PCDH9: variants seen among roughly 807,000 people sequenced by gnomAD.
The protein encoded by PCDH9 is protocadherin-9.
A neutral mutation model predicts 70.6 loss-of-function variants in PCDH9; 24 were observed. The observed-to-expected ratio is 0.34, with a 90% CI of 0.25 to 0.48. PCDH9 has a LOEUF of 0.48. Ranked by LOEUF, PCDH9 falls within the 20% of genes least tolerant of loss-of-function variation. PCDH9 has a pLI of 0.99. For missense variants in PCDH9, 1,281 were observed against 1,503.6 expected, an observed-to-expected ratio of 0.85 and a Z score of 2.45; for synonymous variants, 562 against 558.5, an observed-to-expected ratio of 1.01 and a Z score of -0.09.
chr13:67,105,410 A>C (rs922669331), intron 2 of PCDH9, among the ~76,000 whole-genome samples: 5 of 152,158 alleles, frequency 3.3e-5, no homozygotes, highest in African/African-American at 9.7e-5. Flanking sequence ...ACTGGTTTTG[A>C]GAATCACACT....
At chr13:66,831,414 T>C (rs1037377046) in intron 3 of PCDH9, among the ~76,000 whole-genome samples, 2 of 152,198 alleles carry the variant, frequency 1.3e-5, no homozygotes, top group African/African-American at 4.8e-5. Flanking sequence ...ATATTCTGAA[T>C]TTTTAAAAGG....
At chr13:66,960,201 T>A (rs901278065) in intron 2 of PCDH9, among the ~76,000 whole-genome samples, 2 of 152,210 alleles carry the variant, frequency 1.3e-5, no homozygotes, top group African/African-American at 4.8e-5. Context: ...GAGCTTTTGA[T>A]CATCAGCCAA....
intron 4 of PCDH9, among the ~76,000 whole-genome samples, chr13:66,536,490 A>G (rs760301100): frequency 2.6e-5 from 4 of 152,092 alleles, no homozygotes; most frequent in Non-Finnish European, 4.4e-5. Context: ...ATATTTTAAT[A>G]TTCAATTATC....
At chr13:66,327,170 T>C (rs953488161) in intron 4 of PCDH9, among the ~76,000 whole-genome samples, 5 of 152,220 alleles carry the variant, frequency 3.3e-5, no homozygotes, top group African/African-American at 1.2e-4. Context: ...TGTGTTAGTT[T>C]GCTTTGGATG....
At chr13:66,521,848 G>A (rs1311613052) in intron 4 of PCDH9, among the ~76,000 whole-genome samples, 1 of 151,844 alleles carries the variant, frequency 6.6e-6, no homozygotes, top group Non-Finnish European at 1.5e-5. Context: ...AAAGAACTGT[G>A]TACACACCTA....
At chr13:66,737,585 C>T (rs923637343) in intron 3 of PCDH9, among the ~76,000 whole-genome samples, 11 of 152,114 alleles carry the variant, frequency 7.2e-5, no homozygotes, top group East Asian at 1.9e-4. Context: ...TCTGAGGTAC[C>T]GGGTTCATCT....
chr13:66,326,918 T>C (rs915526020), intron 4 of PCDH9, among the ~76,000 whole-genome samples: 1 of 151,100 alleles, frequency 6.6e-6, no homozygotes, highest in African/African-American at 2.5e-5. Context: ...TCAGACCTGC[T>C]GCTTATCATT....
chr13:66,909,167 TAGTCA>T (rs1445654170), intron 2 of PCDH9, among the ~76,000 whole-genome samples: 3 of 151,866 alleles, frequency 2.0e-5, no homozygotes, highest in Admixed American at 6.6e-5. Flanking sequence ...CAATAAATAT[TAGTCA>T]AGCACCAAAA....
intron 4 of PCDH9, among the ~76,000 whole-genome samples, chr13:66,311,498 G>A (rs1017702430): frequency 6.6e-6 from 1 of 151,932 alleles, no homozygotes; most frequent in African/African-American, 2.4e-5. Context: ...TGAAAGAAAT[G>A]TCAGAGGCAA....
chr13:67,059,353 T>A (rs1210113410), intron 2 of PCDH9, among the ~76,000 whole-genome samples: 1 of 127,880 alleles, frequency 7.8e-6, no homozygotes. Flanking sequence ...TATATATATA[T>A]TATATATATA....
chr13:66,582,000 C>G (rs1286714530), intron 4 of PCDH9, among the ~76,000 whole-genome samples: 1 of 152,076 alleles, frequency 6.6e-6, no homozygotes, highest in East Asian at 1.9e-4. Context: ...TTAAATCTTC[C>G]TCTGGAAAGC....
At chr13:66,481,838 C>T (rs9571588) in intron 4 of PCDH9, among the ~76,000 whole-genome samples, 76,791 of 151,832 alleles carry the variant, frequency 0.51, 19,884 homozygotes, top group East Asian at 0.66. Flanking sequence ...CTAAAATCTC[C>T]GCATCTGTAA....
chr13:66,579,541 A>G (rs1345375502), intron 4 of PCDH9, among the ~76,000 whole-genome samples: 1 of 152,114 alleles, frequency 6.6e-6, no homozygotes, highest in East Asian at 1.9e-4. Flanking sequence ...GAGCCTGGAT[A>G]TCTGATACCA....
chr13:66,391,426 C>T (rs1265626983), intron 4 of PCDH9, among the ~76,000 whole-genome samples: 1 of 152,102 alleles, frequency 6.6e-6, no homozygotes, highest in Non-Finnish European at 1.5e-5. Context: ...TCATTTTCTT[C>T]AGTGAACAGG....
At chr13:66,547,476 C>T (rs952027763) in intron 4 of PCDH9, among the ~76,000 whole-genome samples, 1 of 152,126 alleles carries the variant, frequency 6.6e-6, no homozygotes, top group Non-Finnish European at 1.5e-5. Flanking sequence ...CTGAACCATA[C>T]AGTAGATTTT....
intron 2 of PCDH9, among the ~76,000 whole-genome samples, chr13:67,174,045 A>C (rs2088371535): frequency 6.6e-6 from 1 of 152,120 alleles, no homozygotes; most frequent in South Asian, 2.1e-4. Flanking sequence ...TATTTTCTAG[A>C]TGTAATAAAA....
intron 2 of PCDH9, among the ~76,000 whole-genome samples, chr13:67,018,387 G>A (rs1241871956): frequency 6.6e-6 from 1 of 152,076 alleles, no homozygotes; most frequent in Non-Finnish European, 1.5e-5. Flanking sequence ...TTGGGCGGCC[G>A]AAGGGGATGG....
intron 4 of PCDH9, among the ~76,000 whole-genome samples, chr13:66,395,512 A>G (rs1407851626): frequency 6.6e-6 from 1 of 152,120 alleles, no homozygotes; most frequent in Non-Finnish European, 1.5e-5. Context: ...AGACAGGAGA[A>G]TCGCTTGAAC....
intron 3 of PCDH9, among the ~76,000 whole-genome samples, chr13:66,657,133 A>G (rs531347431): frequency 1.4e-4 from 22 of 152,332 alleles, no homozygotes; most frequent in African/African-American, 5.1e-4. Flanking sequence ...AATAAGTTAT[A>G]CAGAGATCAG....
Sources: gnomAD v4.1 joint callset for allele counts (sites outside exome capture counted in the v4.1 genomes callset) on GRCh38, gnomAD v4.1.1 for gene constraint, MANE v1.5 for transcripts, NCBI Gene and HGNC (gene_info 2026-07-23, HGNC 2026-07-21) for gene names.